ARB2A: variants seen among roughly 807,000 people sequenced by gnomAD.
ARB2A encodes the protein cotranscriptional regulator ARB2A.
chr5:93,923,568 T>C, the ARB2A span, among the ~76,000 whole-genome samples: 1 of 152,184 alleles, frequency 6.6e-6, no homozygotes, highest in East Asian at 1.9e-4. Context: ...ATGCCTGTAA[T>C]CACAGAACTC....
chr5:93,800,788 G>A, the ARB2A span, among the ~76,000 whole-genome samples: 1 of 151,946 alleles, frequency 6.6e-6, no homozygotes, highest in Admixed American at 6.6e-5. Flanking sequence ...ACTTAATTAT[G>A]TTGTCACTTG....
the ARB2A span, among the ~76,000 whole-genome samples, chr5:93,992,982 A>C: frequency 1.3e-5 from 2 of 152,122 alleles, no homozygotes; most frequent in African/African-American, 4.8e-5. Flanking sequence ...AATCTATACA[A>C]GAAACAAAAA....
At chr5:93,943,585 A>T in the ARB2A span, among the ~76,000 whole-genome samples, 1 of 152,140 alleles carries the variant, frequency 6.6e-6, no homozygotes, top group Non-Finnish European at 1.5e-5. Context: ...TCGTATTATT[A>T]TCTACTAGGC....
the ARB2A span, among the ~76,000 whole-genome samples, chr5:93,749,647 T>C: frequency 6.6e-6 from 1 of 152,196 alleles, no homozygotes; most frequent in Admixed American, 6.5e-5. Flanking sequence ...TGTCCACATA[T>C]TTGGGAGAAT....
At chr5:93,971,886 C>T in the ARB2A span, among the ~76,000 whole-genome samples, 4 of 152,052 alleles carry the variant, frequency 2.6e-5, no homozygotes, top group Non-Finnish European at 5.9e-5. Context: ...GGTCTGCCAC[C>T]GAAGGAGTAG....
the ARB2A span, among the ~76,000 whole-genome samples, chr5:93,983,732 G>C: frequency 2.0e-5 from 3 of 152,250 alleles, no homozygotes; most frequent in East Asian, 5.8e-4. Context: ...ACCAATACTG[G>C]AACAGGTCAA....
the ARB2A span, among the ~76,000 whole-genome samples, chr5:93,898,807 G>T: frequency 1.7e-4 from 26 of 152,124 alleles, no homozygotes; most frequent in African/African-American, 6.0e-4. Context: ...ATAAAAATTT[G>T]TAAATAATAA....
the ARB2A span, among the ~76,000 whole-genome samples, chr5:93,827,328 G>A: frequency 1.3e-5 from 2 of 152,174 alleles, no homozygotes; most frequent in African/African-American, 2.4e-5. Flanking sequence ...GTTTTGATCT[G>A]CGTTTCTCTG....
At chr5:93,783,046 C>T in the ARB2A span, among the ~76,000 whole-genome samples, 1 of 151,986 alleles carries the variant, frequency 6.6e-6, no homozygotes, top group African/African-American at 2.4e-5. Context: ...AAAGGAACAC[C>T]TAATCCAGCC....
chr5:93,801,338 C>A, the ARB2A span, among the ~76,000 whole-genome samples: 2 of 152,024 alleles, frequency 1.3e-5, no homozygotes, highest in Non-Finnish European at 2.9e-5. Flanking sequence ...AGAAATAAAA[C>A]CAAAATAACA....
the ARB2A span, among the ~76,000 whole-genome samples, chr5:93,896,280 T>C: frequency 6.6e-6 from 1 of 152,072 alleles, no homozygotes; most frequent in Non-Finnish European, 1.5e-5. Flanking sequence ...TCCGTAATGC[T>C]CCAAAATCCT....
At chr5:93,778,972 T>G in the ARB2A span, among the ~76,000 whole-genome samples, 2 of 152,094 alleles carry the variant, frequency 1.3e-5, no homozygotes, top group Non-Finnish European at 2.9e-5. Flanking sequence ...GGCTTTGATC[T>G]CTCATAAAAA....
chr5:94,069,680 TA>T, the ARB2A span, among the ~76,000 whole-genome samples: 59 of 152,174 alleles, frequency 3.9e-4, no homozygotes, highest in Middle Eastern at 3.4e-3. Context: ...ATAGGTATGT[TA>T]AAAAACACTC....
the ARB2A span, among the ~76,000 whole-genome samples, chr5:93,983,020 T>TA: frequency 6.6e-6 from 1 of 152,132 alleles, no homozygotes; most frequent in Admixed American, 6.5e-5. Context: ...TGCACCACTG[T>TA]ACTCCAGACT....
chr5:93,754,974 T>C, the ARB2A span, among the ~76,000 whole-genome samples: 2 of 152,194 alleles, frequency 1.3e-5, no homozygotes, highest in Non-Finnish European at 2.9e-5. Flanking sequence ...ATTTGTTCCG[T>C]ATAAACAGAA....
the ARB2A span, among the ~76,000 whole-genome samples, chr5:93,904,464 A>G: frequency 6.6e-6 from 1 of 151,892 alleles, no homozygotes; most frequent in Admixed American, 6.6e-5. Context: ...AAACATAGCT[A>G]GAGTTAAGAA....
chr5:93,810,759 CT>C, the ARB2A span, among the ~76,000 whole-genome samples: 38 of 151,776 alleles, frequency 2.5e-4, 1 homozygote, highest in African/African-American at 8.9e-4. Context: ...ATCTAGTGCT[CT>C]TTTTTTTGAG....
chr5:94,098,705 A>G, the ARB2A span, among the ~76,000 whole-genome samples: 1 of 152,108 alleles, frequency 6.6e-6, no homozygotes, highest in Non-Finnish European at 1.5e-5. Context: ...TGATTTTTTG[A>G]AAAAAATAAT....
At chr5:93,682,932 C>G in the ARB2A span, 25 of 1,577,754 alleles carry the variant, frequency 1.6e-5, no homozygotes, top group Non-Finnish European at 2.1e-5. Flanking sequence ...TTGGCTTCCA[C>G]TTTGGGAAGA....
Sources: gnomAD v4.1 joint callset for allele counts (sites outside exome capture counted in the v4.1 genomes callset) on GRCh38, gnomAD v4.1.1 for gene constraint, MANE v1.5 for transcripts, NCBI Gene and HGNC (gene_info 2026-07-23, HGNC 2026-07-21) for gene names.